The following MAP3K19 variants were observed in gnomAD, a reference collection of about 807,000 sequenced individuals.
MAP3K19 encodes the protein mitogen-activated protein kinase kinase kinase 19, also known as SPS1/STE20-related protein kinase YSK4.
In MAP3K19, 91 loss-of-function variants were observed where a neutral mutation model predicts 114.4. The ratio of observed to expected loss-of-function variants is 0.80; its 90% CI spans 0.67 to 0.95. The LOEUF (loss-of-function observed/expected upper bound fraction) is 0.95. MAP3K19 is among the 40% of genes least tolerant of loss of function. The pLI is 0.00. For missense variants in MAP3K19, 1,471 were observed against 1,573.2 expected (o/e 0.94, Z 1.10); for synonymous variants, 518 against 530.5 (o/e 0.98, Z 0.32).
chr2:135,020,048 G>A (rs868381695), intron 5 of MAP3K19, among the ~76,000 whole-genome samples: 14 of 151,380 alleles, frequency 9.2e-5, no homozygotes, highest in Admixed American at 1.3e-4. Flanking sequence ...ATGGAGTTTC[G>A]CTCTTATTGC....
rs1369544684 is a variant in MAP3K19, at chr2:134,983,777, T to C, written c.3121A>G (p.Ile1041Val). 5 of 1,606,208 alleles carry C rather than the reference T, an allele frequency of 3.1e-6. No homozygotes were observed. In the East Asian group the frequency reaches 6.7e-5, roughly 22 times the overall value. Reference protein sequence around the residue: ...RIYDREEKFLISNEKKIFSEN... With the variant: ...RIYDREEKFLVSNEKKIFSEN... ...GAAAATATCTTCTTTTCATTTGAGATGAGAAATTTCTCCTCCCTGTCATAT... is the reference window on the plus strand; with the variant it reads ...GAAAATATCTTCTTTTCATTTGAGACGAGAAATTTCTCCTCCCTGTCATAT... The change falls in exon 11 of 13, where the codon ATC becomes GTC. Residue 1041 changes from isoleucine to valine, a missense_variant. By Grantham distance (29) the Ile-to-Val change is conservative. Coordinates refer to ENST00000392915, the MANE Select transcript of MAP3K19 (RefSeq NM_025052.5).
intron 12 of MAP3K19, among the ~76,000 whole-genome samples, chr2:134,968,565 C>G (rs1484359555): frequency 7.5e-6 from 1 of 133,062 alleles, no homozygotes; most frequent in South Asian, 2.4e-4. Flanking sequence ...GGGTGGCTGC[C>G]GGGCGGAGGG....
rs1193769060 is a variant in MAP3K19 at position 134,999,022 on chromosome 2, T to C, written c.315-25A>G. On this transcript the variant is annotated intron_variant, in intron 7 of 12. Coordinates refer to ENST00000392915, the MANE Select transcript of MAP3K19 (RefSeq NM_025052.5). This position sits in a 1 kb window ranked among gnomAD's most constrained non-coding sequence, Gnocchi z 4.1. ...ACTAAAGGGGGAGGGAAATGTTTGA[T>C]TTAAAACTCAGTTGCCACATCTTCT... 2 of 1,597,938 alleles carry C rather than the reference T, an allele frequency of 1.3e-6. No individual in the cohort carries two copies. The highest frequency in any genetic ancestry group is 2.3e-5 in the South Asian group (2 of 88,340).
intron 11 of MAP3K19, among the ~76,000 whole-genome samples, chr2:134,982,698 G>C (rs1684793561): frequency 6.6e-6 from 1 of 152,100 alleles, no homozygotes; most frequent in Admixed American, 6.5e-5. Context: ...GTTTGGAAAA[G>C]CTCCTGATAA....
chr2:135,014,224 C>A (rs1407023259), intron 5 of MAP3K19, among the ~76,000 whole-genome samples: 2 of 152,086 alleles, frequency 1.3e-5, no homozygotes, highest in African/African-American at 4.8e-5. Context: ...CCTGGTGGAG[C>A]ATGCCTGTAA....
intron 9 of MAP3K19, 49 bp downstream of exon 9, chr2:134,991,488 A>G (rs755029105): frequency 1.3e-6 from 2 of 1,495,500 alleles, no homozygotes; most frequent in Non-Finnish European, 1.9e-6. Context: ...TAGTGAATAG[A>G]GTTGTTTGGT....
intron 5 of MAP3K19, among the ~76,000 whole-genome samples, chr2:135,006,948 T>G (rs1444572324): frequency 6.6e-6 from 1 of 151,684 alleles, no homozygotes; most frequent in Non-Finnish European, 1.5e-5. Context: ...GAGGCCGAGA[T>G]GGGTGGATTG....
At chr2:134,998,658 C>T in intron 8 of MAP3K19, 80 bp downstream of exon 8, 2 of 1,403,478 alleles carry the variant, frequency 1.4e-6, no homozygotes, top group Non-Finnish European at 1.9e-6. Flanking sequence ...TTATCTCTAG[C>T]ATTTAGAACA....
intron 12 of MAP3K19, among the ~76,000 whole-genome samples, chr2:134,969,992 A>G (rs1683755536): frequency 7.4e-6 from 1 of 134,560 alleles, no homozygotes; most frequent in Non-Finnish European, 1.6e-5. Context: ...CACCAATACC[A>G]TGCTGTTTGG....
intron 11 of MAP3K19, 57 bp downstream of exon 11, chr2:134,983,619 A>T (rs1573940176): frequency 2.2e-6 from 2 of 929,560 alleles, no homozygotes; most frequent in Non-Finnish European, 2.7e-6. Context: ...GGAGGGGTGG[A>T]GGGAGGGACT....
intron 5 of MAP3K19, among the ~76,000 whole-genome samples, chr2:135,018,057 C>T (rs774159889): frequency 1.7e-4 from 26 of 151,842 alleles, no homozygotes; most frequent in Non-Finnish European, 2.6e-4. Context: ...TCTGGGAGGC[C>T]GAGGCAGGCA....
chr2:134,991,359 T>C, intron 9 of MAP3K19, 178 bp downstream of exon 9: 3 of 635,434 alleles, frequency 4.7e-6, no homozygotes, highest in Non-Finnish European at 8.6e-6. Context: ...TATTAGTAGC[T>C]AAGTTTTGGG....
chr2:135,018,867 C>T (rs1574033180), intron 5 of MAP3K19, among the ~76,000 whole-genome samples: 1 of 152,070 alleles, frequency 6.6e-6, no homozygotes, highest in Admixed American at 6.6e-5. Flanking sequence ...GGCAGATCAC[C>T]TGAGCTCAGG....
intron 2 of MAP3K19, among the ~76,000 whole-genome samples, chr2:135,036,156 C>G (rs2104793366): frequency 6.6e-6 from 1 of 152,120 alleles, no homozygotes; most frequent in East Asian, 1.9e-4. Context: ...TTTTCCTAAC[C>G]AAGGCCTTTG....
At position 134,975,252 on chromosome 2, in the gene MAP3K19, C is replaced by A. The variant is rs138363238; in HGVS notation, c.3920+5569G>T. Among the ~76,000 whole-genome samples, 18 of 152,238 alleles carry A rather than the reference C, an allele frequency of 1.2e-4. No individual in the cohort carries two copies. The East Asian group carries it at 3.1e-3, about 26-fold the overall frequency. On this transcript the variant is annotated intron_variant, in intron 12 of 12. Coordinates refer to ENST00000392915, the MANE Select transcript of MAP3K19 (RefSeq NM_025052.5). Reference sequence around the variant, plus strand: ...GTGGATAGGTCCTTAGACTCCTGGGCAGCATGCATGGCATGGGCAATGGCA... The same window carrying A: ...GTGGATAGGTCCTTAGACTCCTGGGAAGCATGCATGGCATGGGCAATGGCA...
At chr2:134,971,675 T>C (rs1447048100) in intron 12 of MAP3K19, among the ~76,000 whole-genome samples, 1 of 152,190 alleles carries the variant, frequency 6.6e-6, no homozygotes, top group Non-Finnish European at 1.5e-5. Context: ...TTTATCCATT[T>C]CCTCTAGGTT....
At chr2:134,966,801 A>G (rs1354532879) in intron 12 of MAP3K19, among the ~76,000 whole-genome samples, 4 of 152,178 alleles carry the variant, frequency 2.6e-5, no homozygotes, top group African/African-American at 9.7e-5. Context: ...TCGAGGACGG[A>G]GTCTGAGCCT....
chr2:135,033,881 C>G (rs1688460219), intron 2 of MAP3K19, among the ~76,000 whole-genome samples: 1 of 41,562 alleles, frequency 2.4e-5, no homozygotes, highest in Non-Finnish European at 3.9e-5. Flanking sequence ...GGGGCTGACC[C>G]CCACCTCCCT....
intron 2 of MAP3K19, among the ~76,000 whole-genome samples, chr2:135,034,850 AGGGGGAGGGG>A (rs1688492882): frequency 1.6e-4 from 1 of 6,188 alleles, no homozygotes; most frequent in Non-Finnish European, 3.8e-4. Flanking sequence ...GGGGAGGGGG[AGGGGGAGGGG>A]GAGAGGGAGA....
Sources: gnomAD v4.1 joint callset for allele counts (sites outside exome capture counted in the v4.1 genomes callset) on GRCh38, gnomAD v4.1.1 for gene constraint, Gnocchi (gnomAD v3.1) non-coding constraint, MANE v1.5 for transcripts, NCBI Gene and HGNC (gene_info 2026-07-23, HGNC 2026-07-21) for gene names.